The following ARHGAP6 variants were observed in gnomAD, a reference collection of about 807,000 sequenced individuals.
The protein encoded by ARHGAP6 is rho GTPase-activating protein 6.
ARHGAP6 carries 16 observed loss-of-function variants against 55.7 expected under a neutral mutation model. The observed-to-expected ratio is 0.29, with a 90% CI of 0.19 to 0.44. The LOEUF (loss-of-function observed/expected upper bound fraction) is 0.44, where lower values mean the gene tolerates loss of function less well. Among genes scored for constraint, ARHGAP6 ranks in the 20% least tolerant of loss-of-function variants. The pLI, the probability that ARHGAP6 is intolerant of heterozygous loss-of-function variation, is 1.00. For missense variants in ARHGAP6, 698 were observed against 808.9 expected (o/e 0.86, Z 1.66); for synonymous variants, 382 against 360.9 (o/e 1.06, Z -0.66).
At chrX:11,522,193 C>T (rs2050936794) in intron 1 of ARHGAP6, among the ~76,000 whole-genome samples, 1 of 111,267 alleles carries the variant, frequency 9.0e-6, no homozygotes, top group African/African-American at 3.3e-5. Context: ...CCAACGAGAA[C>T]AAAGACACAA....
chrX:11,152,417 A>G (rs1044536612), intron 10 of ARHGAP6, among the ~76,000 whole-genome samples: 3 of 111,827 alleles, frequency 2.7e-5, no homozygotes, highest in Non-Finnish European at 5.6e-5. Context: ...ACAGTAATCT[A>G]TTGTCACTGC....
chrX:11,617,341 T>A (rs1024668183), intron 1 of ARHGAP6, among the ~76,000 whole-genome samples: 7 of 112,175 alleles, frequency 6.2e-5, no homozygotes, highest in African/African-American at 2.3e-4. Flanking sequence ...CCATTGGTGC[T>A]ATAGAGATTG....
chrX:11,376,804 G>A (rs1024453758), intron 1 of ARHGAP6, among the ~76,000 whole-genome samples: 5 of 111,354 alleles, frequency 4.5e-5, no homozygotes, highest in African/African-American at 9.8e-5. Flanking sequence ...ATCATTCTAA[G>A]ACCTGTGGAA....
At chrX:11,584,288 A>G (rs1053048856) in intron 1 of ARHGAP6, among the ~76,000 whole-genome samples, 11 of 112,552 alleles carry the variant, frequency 9.8e-5, no homozygotes, top group African/African-American at 3.5e-4. Context: ...CCAGATCTAT[A>G]TAAGAAAGTT....
chrX:11,289,288 C>A (rs765894194), intron 1 of ARHGAP6, among the ~76,000 whole-genome samples: 1 of 111,053 alleles, frequency 9.0e-6, no homozygotes, highest in East Asian at 2.8e-4. Flanking sequence ...ATTGGATATA[C>A]CCAGGGCCTA....
chrX:11,651,136 T>C (rs1412797273), intron 1 of ARHGAP6, among the ~76,000 whole-genome samples: 1 of 111,230 alleles, frequency 9.0e-6, no homozygotes, highest in African/African-American at 3.3e-5. Context: ...TAATCCTAGG[T>C]TCTTTAACTT....
intron 1 of ARHGAP6, among the ~76,000 whole-genome samples, chrX:11,355,292 C>A (rs1025045252): frequency 2.7e-5 from 3 of 112,261 alleles, no homozygotes; most frequent in African/African-American, 9.7e-5. Flanking sequence ...GGAGGATACG[C>A]CTTTGAAAGA....
At position 11,306,105 on chromosome X, in the gene ARHGAP6, C is replaced by A. The variant is rs1199427156; in HGVS notation, c.589-51398G>T. 3.6e-5 allele frequency among the ~76,000 whole-genome samples: 4 copies of A among 111,718 alleles called. No individual in the cohort carries two copies. The Admixed American group carries it at 3.8e-4, about 11-fold the overall frequency. On this transcript the variant is annotated intron_variant, in intron 1 of 12. Transcript: ENST00000337414. ...CACCTCTTCTAGAAATCTTCTCTCA[C>A]TGCTCTACGTTGGCTGGCACTCCTG...
chrX:11,275,779 C>T (rs898523917), intron 1 of ARHGAP6, among the ~76,000 whole-genome samples: 3 of 111,533 alleles, frequency 2.7e-5, no homozygotes, highest in African/African-American at 9.8e-5. Context: ...TGGAAGAGCC[C>T]AGAGGACTTC....
chrX:11,280,135 C>T (rs899734844), intron 1 of ARHGAP6, among the ~76,000 whole-genome samples: 3 of 111,850 alleles, frequency 2.7e-5, no homozygotes, highest in Non-Finnish European at 5.6e-5. Context: ...TCAACAGTTC[C>T]AAGGTTGGGA....
At chrX:11,522,901 C>G (rs1238951534) in intron 1 of ARHGAP6, among the ~76,000 whole-genome samples, 1 of 111,284 alleles carries the variant, frequency 9.0e-6, no homozygotes, top group Non-Finnish European at 1.9e-5. Flanking sequence ...CAGCATCATC[C>G]TGAAACCAAA....
At chrX:11,416,835 G>A (rs2049753493) in intron 1 of ARHGAP6, among the ~76,000 whole-genome samples, 1 of 108,532 alleles carries the variant, frequency 9.2e-6, no homozygotes, top group Non-Finnish European at 1.9e-5. Flanking sequence ...TTTCCAGGCT[G>A]CTGCAAGTTC....
intron 1 of ARHGAP6, among the ~76,000 whole-genome samples, chrX:11,445,557 AGG>A (rs2050084452): frequency 8.9e-6 from 1 of 112,281 alleles, no homozygotes; most frequent in Admixed American, 9.4e-5. Flanking sequence ...AGAGAAGCCT[AGG>A]GCAGCAGCAT....
intron 1 of ARHGAP6, among the ~76,000 whole-genome samples, chrX:11,438,662 C>T (rs900404128): frequency 1.8e-5 from 2 of 112,798 alleles, no homozygotes; most frequent in African/African-American, 6.4e-5. Flanking sequence ...TCTATCTTGC[C>T]TTTACTTCTA....
chrX:11,468,552 T>C (rs147262318), intron 1 of ARHGAP6, among the ~76,000 whole-genome samples: 9,229 of 112,282 alleles, frequency 0.082, 409 homozygotes, highest in East Asian at 0.18. Flanking sequence ...TAATGAAAAG[T>C]AATATTTTTA....
chrX:11,252,007 CT>C (rs937762385), intron 2 of ARHGAP6, among the ~76,000 whole-genome samples: 10 of 112,484 alleles, frequency 8.9e-5, no homozygotes, highest in African/African-American at 2.9e-4. Flanking sequence ...AAAATAACTG[CT>C]GTGGCCTGGG....
chrX:11,235,014 C>T (rs1489108574), intron 2 of ARHGAP6, among the ~76,000 whole-genome samples: 1 of 112,373 alleles, frequency 8.9e-6, no homozygotes, highest in East Asian at 2.8e-4. Context: ...CTGTGGCCCT[C>T]TTCTCACAGC....
intron 1 of ARHGAP6, among the ~76,000 whole-genome samples, chrX:11,577,959 A>C (rs1031992482): frequency 4.2e-4 from 47 of 111,545 alleles, no homozygotes; most frequent in African/African-American, 1.5e-3. Context: ...GTCTTGAGGG[A>C]CCACTTCTAT....
intron 1 of ARHGAP6, among the ~76,000 whole-genome samples, chrX:11,615,814 CTT>C (rs1302551055): frequency 8.9e-6 from 1 of 112,205 alleles, no homozygotes; most frequent in African/African-American, 3.2e-5. Context: ...TACACTGTCT[CTT>C]TTGAGGCTCA....
Sources: allele counts gnomAD v4.1 joint callset (sites outside exome capture counted in the v4.1 genomes callset), GRCh38; gene constraint gnomAD v4.1.1; transcripts MANE v1.5; gene names NCBI Gene and HGNC (gene_info 2026-07-23, HGNC 2026-07-21).